HNF4G: variants seen among roughly 807,000 people sequenced by gnomAD.
HNF4G encodes hepatocyte nuclear factor 4-gamma.
Under a neutral mutation model 50.9 loss-of-function variants are expected in HNF4G, and 21 were observed. The ratio of observed to expected loss-of-function variants is 0.41; its 90% CI spans 0.29 to 0.59. HNF4G has a LOEUF of 0.59. Among genes scored for constraint, HNF4G ranks in the 20% least tolerant of loss-of-function variants. The probability of loss-of-function intolerance (pLI) is 0.26; values close to 1 mark genes in which losing one functional copy is unlikely to be tolerated. For synonymous variants in HNF4G, 198 were observed against 185.6 expected (o/e 1.07, Z -0.54); for missense variants, 527 against 559.4 (o/e 0.94, Z 0.58).
intron 2 of HNF4G, among the ~76,000 whole-genome samples, chr8:75,498,611 C>T (rs1280139293): frequency 6.6e-6 from 1 of 151,920 alleles, no homozygotes; most frequent in Non-Finnish European, 1.5e-5. Flanking sequence ...AAAAAATTGA[C>T]AGACCAGCAA....
At chr8:75,422,076 A>G (rs1356098669) in intron 1 of HNF4G, among the ~76,000 whole-genome samples, 1 of 152,170 alleles carries the variant, frequency 6.6e-6, no homozygotes, top group African/African-American at 2.4e-5. Context: ...AATTTCAGAG[A>G]AGGAAACTGA....
chr8:75,563,907 T>C (rs1339190864), intron 9 of HNF4G, 68 bp from the exon 10 acceptor site: 1 of 1,558,552 alleles, frequency 6.4e-7, no homozygotes, highest in African/African-American at 1.4e-5. Context: ...ATTGGTGTTA[T>C]GTAGGGTTTA....
At chr8:75,448,892 A>G (rs1406524081) in intron 1 of HNF4G, among the ~76,000 whole-genome samples, 1 of 152,194 alleles carries the variant, frequency 6.6e-6, no homozygotes, top group Admixed American at 6.5e-5. Context: ...TATATTACAA[A>G]TGTAGATTTA....
At chr8:75,459,529 GATGTT>G (rs1811798347) in intron 1 of HNF4G, among the ~76,000 whole-genome samples, 1 of 152,118 alleles carries the variant, frequency 6.6e-6, no homozygotes, top group African/African-American at 2.4e-5. Flanking sequence ...TTCTAGTCTT[GATGTT>G]ATAAGTCTTG....
At chr8:75,461,295 G>A (rs1223145355) in intron 1 of HNF4G, among the ~76,000 whole-genome samples, 1 of 152,066 alleles carries the variant, frequency 6.6e-6, no homozygotes, top group Non-Finnish European at 1.5e-5. Context: ...TTAGCTTCCA[G>A]GGTCTTCCTC....
intron 2 of HNF4G, among the ~76,000 whole-genome samples, chr8:75,497,644 A>G (rs1178300923): frequency 1.3e-5 from 2 of 151,658 alleles, no homozygotes; most frequent in Non-Finnish European, 2.9e-5. Flanking sequence ...AAATCATGCC[A>G]CCGCACTCCA....
At chr8:75,493,934 G>T (rs1812693502) in intron 2 of HNF4G, among the ~76,000 whole-genome samples, 1 of 152,036 alleles carries the variant, frequency 6.6e-6, no homozygotes, top group African/African-American at 2.4e-5. Flanking sequence ...AAGCAAATTT[G>T]CAGACATATA....
intron 1 of HNF4G, among the ~76,000 whole-genome samples, chr8:75,416,596 G>A (rs1202281353): frequency 6.6e-6 from 1 of 152,060 alleles, no homozygotes; most frequent in Non-Finnish European, 1.5e-5. Flanking sequence ...TAGTAATTAT[G>A]TTTAATATGC....
In HNF4G at chr8:75,466,440, C is replaced by A. The variant is rs539095082; in HGVS notation, c.-143-23649C>A. Among the ~76,000 whole-genome samples, 6 of 151,738 alleles carry A rather than the reference C, an allele frequency of 4.0e-5. No individual in the cohort carries two copies. The South Asian group carries it at 8.3e-4, about 21-fold the overall frequency. ...TATGGCATTTTTTTCAGTGAAAATC[C>A]ACTTTCTTGATTTTGCTTGACTTGC... On this transcript the variant is annotated intron_variant, in intron 1 of 10. Transcript: ENST00000354370.
chr8:75,526,579 G>T (rs1442298907), intron 2 of HNF4G, among the ~76,000 whole-genome samples: 1 of 151,730 alleles, frequency 6.6e-6, no homozygotes, highest in African/African-American at 2.4e-5. Flanking sequence ...TATTGCCCAG[G>T]CTGGAGTACA....
chr8:75,558,861 G>A lies in HNF4G; in HGVS notation c.947G>A (p.Gly316Asp), dbSNP rs887716007. The A allele has an allele frequency of 1.2e-6, 2 of 1,613,946 alleles. No homozygotes were observed. The highest frequency in any genetic ancestry group is 1.3e-5 in the African/African-American group (1 of 74,876). Residue 316 changes from glycine (G) to aspartate (D), a missense_variant, in exon 8 of 10, where the codon GGT becomes GAT. Physicochemically the swap from Gly to Asp is moderately conservative, Grantham distance 94. Coordinates refer to ENST00000396423, the MANE Select transcript of HNF4G (RefSeq NM_004133.5). The stretch of plus-strand genomic sequence containing the variant: ...AACATGAGGTTCCAAGTGCAGATCG[G>A]TTTGGAGGACTACATCAATGATCGG... ...IKNMRFQVQI[G>D]LEDYINDRQY... is the part of the protein sequence containing the mutation.
chr8:75,506,385 G>T (rs1025065449), intron 2 of HNF4G, among the ~76,000 whole-genome samples: 2 of 151,724 alleles, frequency 1.3e-5, no homozygotes. Context: ...TATCTTCCAC[G>T]TTCACTGGCT....
intron 1 of HNF4G, among the ~76,000 whole-genome samples, chr8:75,482,578 G>A (rs1812405946): frequency 6.6e-6 from 1 of 152,124 alleles, no homozygotes; most frequent in Admixed American, 6.6e-5. Context: ...ATGTTGCCCA[G>A]GCTGGTCTTG....
At chr8:75,417,369 A>G (rs533054819) in intron 1 of HNF4G, among the ~76,000 whole-genome samples, 1 of 152,346 alleles carries the variant, frequency 6.6e-6, no homozygotes, top group South Asian at 2.1e-4. Flanking sequence ...TAAATTGTTT[A>G]ATTCTTTCAA....
chr8:75,558,017 G>A (rs1237714151), intron 6 of HNF4G, among the ~76,000 whole-genome samples: 1 of 150,352 alleles, frequency 6.7e-6, no homozygotes, highest in East Asian at 1.9e-4. Flanking sequence ...GGCAACTCAT[G>A]AGAATTCACA....
intron 2 of HNF4G, among the ~76,000 whole-genome samples, chr8:75,498,590 T>C (rs2926584): frequency 0.28 from 42,623 of 151,654 alleles, 7,457 homozygotes; most frequent in African/African-American, 0.5. Context: ...CAGATGAAGA[T>C]ATCAAAAGAA....
At chr8:75,542,413 G>A (rs1349796431) in intron 1 of HNF4G, among the ~76,000 whole-genome samples, 2 of 151,950 alleles carry the variant, frequency 1.3e-5, no homozygotes, top group Non-Finnish European at 2.9e-5. Context: ...CACACAAAAT[G>A]TGAGACTTTA....
chr8:75,459,344 C>G (rs573854266), intron 1 of HNF4G, among the ~76,000 whole-genome samples: 19 of 152,218 alleles, frequency 1.2e-4, no homozygotes, highest in Admixed American at 7.9e-4. Flanking sequence ...AATTATGAAG[C>G]CTAATGTACA....
intron 1 of HNF4G, among the ~76,000 whole-genome samples, chr8:75,428,156 T>G (rs1042011032): frequency 3.3e-5 from 5 of 152,168 alleles, no homozygotes; most frequent in African/African-American, 1.2e-4. Flanking sequence ...GGTAGGAATA[T>G]TGATCAAAAC....
Sources: allele counts gnomAD v4.1 joint callset (sites outside exome capture counted in the v4.1 genomes callset), GRCh38; gene constraint gnomAD v4.1.1; transcripts MANE v1.5; gene names NCBI Gene and HGNC (gene_info 2026-07-23, HGNC 2026-07-21).